Variants in ZNF638 observed in about 807,000 individuals in gnomAD.
ZNF638 encodes CTCL tumor antigen se33-1.
ZNF638 carries 46 observed loss-of-function variants against 195.6 expected under a neutral mutation model. The ratio of observed to expected loss-of-function variants is 0.24; its 90% CI spans 0.19 to 0.30. ZNF638 has a LOEUF of 0.30. Ranked by LOEUF, ZNF638 falls within the 10% of genes least tolerant of loss-of-function variation. ZNF638 has a pLI of 1.00. For missense variants in ZNF638, 2,440 were observed against 2,325.3 expected (o/e 1.05, Z -1.01); for synonymous variants, 845 against 772.0 (o/e 1.09, Z -1.57).
intron 10 of ZNF638, among the ~76,000 whole-genome samples, chr2:71,389,901 AC>A (rs1241461962): frequency 6.6e-6 from 1 of 152,194 alleles, no homozygotes; most frequent in African/African-American, 2.4e-5. Context: ...AAAGGCAGTT[AC>A]GGCCAGGGAA....
chr2:71,418,042 A>G (rs1028210759), intron 20 of ZNF638, among the ~76,000 whole-genome samples: 2 of 152,212 alleles, frequency 1.3e-5, no homozygotes, highest in Non-Finnish European at 2.9e-5. Context: ...TACCCAGGAC[A>G]GTGCTTGCCA....
intron 11 of ZNF638, among the ~76,000 whole-genome samples, 189 bp from the exon 12 acceptor site, chr2:71,398,512 T>G (rs1468739457): frequency 6.6e-6 from 1 of 152,174 alleles, no homozygotes; most frequent in African/African-American, 2.4e-5. Flanking sequence ...TTCAGTGATT[T>G]CTTTTTTCTG....
chr2:71,423,087 C>T lies in ZNF638; in HGVS notation c.3573C>T (p.Phe1191=), dbSNP rs2080466206. ...VASASVSIEQ[F]TENAEECALN... ...CCGCTTCAGTCAGTATTGAACAATT[C>T]ACTGAAAATGCCGAGGAGTGTGCTT... The change falls in exon 22 of 28, where the codon TTC becomes TTT. Residue 1191 remains phenylalanine (F), a synonymous_variant. Coordinates refer to ENST00000264447, the MANE Select transcript of ZNF638 (RefSeq NM_014497.5). The T allele has an allele frequency of 1.2e-6, 2 of 1,613,986 alleles. No individual in the cohort carries two copies. Among genetic ancestry groups the T allele is most frequent in the African/African-American group, 2.7e-5 (2 of 74,934 alleles).
chr2:71,381,673 G>A lies in ZNF638; in HGVS notation c.2377+1108G>A, dbSNP rs118079748. Among the ~76,000 whole-genome samples the A allele has an allele frequency of 2.0e-5, 3 of 152,008 alleles. No homozygotes were observed. The East Asian group carries it at 5.8e-4, about 29-fold the overall frequency. ...AGAGTAATTTCTGAAAGAAGTTTTG[G>A]GTAAAAAGGTTTGGGGTGTGTGTTA... On this transcript the variant is annotated intron_variant, in intron 10 of 27. Coordinates refer to ENST00000264447, the MANE Select transcript of ZNF638 (RefSeq NM_014497.5).
intron 5 of ZNF638, 61 bp from the exon 6 acceptor site, chr2:71,365,368 A>T: frequency 7.4e-7 from 1 of 1,349,646 alleles, no homozygotes; most frequent in Admixed American, 2.6e-5. Flanking sequence ...TGATTATGTC[A>T]TGAGATGGCT....
chr2:71,371,117 T>A (rs2079304155), intron 8 of ZNF638, among the ~76,000 whole-genome samples: 2 of 152,210 alleles, frequency 1.3e-5, no homozygotes, highest in East Asian at 3.8e-4. Flanking sequence ...GTGCCTGGCT[T>A]ATTTCACTTA....
intron 8 of ZNF638, among the ~76,000 whole-genome samples, chr2:71,372,526 C>G (rs2079332810): frequency 6.6e-6 from 1 of 152,202 alleles, no homozygotes; most frequent in Non-Finnish European, 1.5e-5. Flanking sequence ...GGGAGGTGTG[C>G]TGTCAGGGAT....
chr2:71,364,451 A>G (rs1384262209), intron 5 of ZNF638, among the ~76,000 whole-genome samples, 199 bp downstream of exon 5: 2 of 152,218 alleles, frequency 1.3e-5, no homozygotes, highest in Admixed American at 6.5e-5. Context: ...CATCAACATC[A>G]TATTTAAAAA....
rs570008957 is a variant in ZNF638, at chr2:71,431,225, G to A, written c.5651-102G>A. On this transcript the variant is annotated intron_variant, in intron 25 of 27. Transcript: ENST00000264447. ...AATGGCCAGATGGGATTAACAAAGG[G>A]AGGTTTTCCCTGAGAAAGAAAAAGG... 5.3e-6 allele frequency: 5 copies of A among 937,152 alleles called. No homozygotes were observed. The East Asian group carries it at 1.0e-4, about 20-fold the overall frequency. 58.1% of individuals were successfully genotyped at this position (937,152 alleles called of 1,614,324 possible). A position where few individuals can be genotyped will look rare whatever the true frequency, so the allele number is the denominator to read the frequency against.
chr2:71,367,641 G>A lies in ZNF638; in HGVS notation c.1996-741G>A, dbSNP rs191436851. ...TTTTTAGCAGAGACGGGGTTTCACC[G>A]TGTTGGTCAGGCTGGTCTCGAACAC... On this transcript the variant is annotated intron_variant, in intron 6 of 27. Transcript: ENST00000264447. Among the ~76,000 whole-genome samples the A allele has an allele frequency of 1.6e-4, 24 of 151,622 alleles. No homozygotes were observed. In the East Asian group the frequency reaches 2.5e-3, roughly 16 times the overall value.
At chr2:71,390,248 G>A (rs762599235) in intron 10 of ZNF638, among the ~76,000 whole-genome samples, 3 of 152,186 alleles carry the variant, frequency 2.0e-5, no homozygotes, top group Non-Finnish European at 2.9e-5. Flanking sequence ...CAATGCCAGC[G>A]GCTTTCCTCG....
intron 17 of ZNF638, 74 bp downstream of exon 17, chr2:71,404,072 C>G (rs2080057095): frequency 1.4e-6 from 2 of 1,452,810 alleles, no homozygotes; most frequent in Non-Finnish European, 1.9e-6. Context: ...GTTATGTTTT[C>G]TAGTTTTCCA....
At chr2:71,373,252 A>G (rs181276579) in intron 8 of ZNF638, among the ~76,000 whole-genome samples, 4 of 152,042 alleles carry the variant, frequency 2.6e-5, no homozygotes, top group East Asian at 3.9e-4. Flanking sequence ...ATTGTTAGCT[A>G]TATCTATTAA....
Position 71,404,040 on chromosome 2 carries a change from T to TAA in ZNF638, c.2958+44_2958+45dup, listed in dbSNP as rs2080056371. The TAA allele has an allele frequency of 2.5e-6, 4 of 1,569,990 alleles. No individual in the cohort carries two copies. In the East Asian group the frequency reaches 9.1e-5, roughly 36 times the overall value. ...TTTTTACTAGCTCTTACTAAGTTTT[T>TAA]AAATCAGATTTGTTACAGTCTGTTA... On this transcript the variant is annotated intron_variant, in intron 17 of 27. Coordinates refer to ENST00000264447, the MANE Select transcript of ZNF638 (RefSeq NM_014497.5).
At chr2:71,410,977 A>ACC (rs1385563930) in intron 20 of ZNF638, among the ~76,000 whole-genome samples, 60 of 42,994 alleles carry the variant, frequency 1.4e-3, no homozygotes, top group African/African-American at 2.5e-3. Flanking sequence ...CTCCCCACCC[A>ACC]CCACCTCCCC....
chr2:71,363,119 A>G, intron 3 of ZNF638, 34 bp from the exon 4 acceptor site: 1 of 1,518,616 alleles, frequency 6.6e-7, no homozygotes, highest in Non-Finnish European at 9.1e-7. Flanking sequence ...GTCTGATTTT[A>G]GCTGTTAGTT....
intron 20 of ZNF638, among the ~76,000 whole-genome samples, chr2:71,416,930 G>T (rs1338045086): frequency 2.0e-5 from 3 of 151,506 alleles, no homozygotes; most frequent in Non-Finnish European, 4.4e-5. Flanking sequence ...GTGTCTTTTT[G>T]TTTGTCTGTG....
rs181658646 is a variant in ZNF638, at chr2:71,431,303, C to G, written c.5651-24C>G. On this transcript the variant is annotated intron_variant, in intron 25 of 27. Coordinates refer to ENST00000264447, the MANE Select transcript of ZNF638 (RefSeq NM_014497.5). Reference sequence around the variant, plus strand: ...AAGTCTGTAAATCTATTCTGAATAGCTTTTTTTCCTCGAAAAATTTTAGTT... The same window carrying G: ...AAGTCTGTAAATCTATTCTGAATAGGTTTTTTTCCTCGAAAAATTTTAGTT... 253 of 1,587,974 alleles carry G rather than the reference C, an allele frequency of 1.6e-4. No homozygotes were observed. In the African/African-American group the frequency reaches 3.0e-3, roughly 19 times the overall value.
At chr2:71,365,399 A>T (rs746019852) in intron 5 of ZNF638, 30 bp from the exon 6 acceptor site, 7 of 1,514,064 alleles carry the variant, frequency 4.6e-6, no homozygotes, top group Non-Finnish European at 5.3e-6. Context: ...TTTTTTTCCA[A>T]TTGAAATTAT....
Sources: gnomAD v4.1 joint callset for allele counts (sites outside exome capture counted in the v4.1 genomes callset) on GRCh38, gnomAD v4.1.1 for gene constraint, MANE v1.5 for transcripts, NCBI Gene and HGNC (gene_info 2026-07-23, HGNC 2026-07-21) for gene names.